PTPRN2: variants seen among roughly 807,000 people sequenced by gnomAD.
The protein encoded by PTPRN2 is receptor-type tyrosine-protein phosphatase N2.
Under a neutral mutation model 118.8 loss-of-function variants are expected in PTPRN2, and 74 were observed. The observed-to-expected ratio is 0.62, with a 90% CI of 0.52 to 0.76. The LOEUF (loss-of-function observed/expected upper bound fraction) is 0.76, where lower values mean the gene tolerates loss of function less well. Ranked by LOEUF, PTPRN2 falls within the 30% of genes least tolerant of loss-of-function variation. The probability of loss-of-function intolerance (pLI) is 0.00; values close to 1 mark genes in which losing one functional copy is unlikely to be tolerated. For synonymous variants in PTPRN2, 641 were observed against 608.0 expected (o/e 1.05, Z -0.80); for missense variants, 1,481 against 1,394.4 (o/e 1.06, Z -0.99).
chr7:157,837,454 G>T (rs958462490), intron 12 of PTPRN2, among the ~76,000 whole-genome samples: 1 of 151,450 alleles, frequency 6.6e-6, no homozygotes, highest in Non-Finnish European at 1.5e-5. Context: ...GTGGTGGAGG[G>T]GGGAGGCTGT....
chr7:158,168,604 C>T (rs1156535257), intron 5 of PTPRN2, among the ~76,000 whole-genome samples: 3 of 152,216 alleles, frequency 2.0e-5, no homozygotes, highest in African/African-American at 7.2e-5. Context: ...ATGTTTGCTG[C>T]CTGCTCTTTT....
At chr7:157,702,813 C>T (rs764457213) in intron 12 of PTPRN2, among the ~76,000 whole-genome samples, 1 of 152,190 alleles carries the variant, frequency 6.6e-6, no homozygotes, top group Non-Finnish European at 1.5e-5. Flanking sequence ...TCCGCGCTGC[C>T]GAATCTGCTC....
intron 3 of PTPRN2, among the ~76,000 whole-genome samples, chr7:158,312,843 GGT>G (rs1225722486): frequency 6.7e-6 from 1 of 150,274 alleles, no homozygotes; most frequent in Non-Finnish European, 1.5e-5. Flanking sequence ...CGTGAGCATG[GGT>G]GTGTGTGCAT....
chr7:158,027,999 T>G (rs1242975187), intron 11 of PTPRN2: 2 of 152,244 alleles, frequency 1.3e-5, no homozygotes, highest in Non-Finnish European at 2.9e-5. Flanking sequence ...CCTTAAAGTT[T>G]GAACTTTACA....
At chr7:158,263,337 C>T (rs1347554148) in intron 3 of PTPRN2, among the ~76,000 whole-genome samples, 1 of 151,984 alleles carries the variant, frequency 6.6e-6, no homozygotes, top group East Asian at 1.9e-4. Context: ...ACCTACTGCA[C>T]ATGTACATGT....
chr7:158,012,385 A>G (rs1012689277), intron 11 of PTPRN2, among the ~76,000 whole-genome samples: 9 of 152,266 alleles, frequency 5.9e-5, no homozygotes, highest in Admixed American at 3.9e-4. Context: ...TTTCAAAGAA[A>G]AAATCCATAG....
intron 12 of PTPRN2, among the ~76,000 whole-genome samples, chr7:157,866,741 C>T (rs1231049310): frequency 1.3e-5 from 2 of 151,960 alleles, no homozygotes; most frequent in African/African-American, 2.4e-5. Flanking sequence ...TGCCTGTGCC[C>T]CGAGATGCAC....
At chr7:157,946,773 A>G (rs888445497) in intron 11 of PTPRN2, among the ~76,000 whole-genome samples, 1 of 152,242 alleles carries the variant, frequency 6.6e-6, no homozygotes, top group Non-Finnish European at 1.5e-5. Context: ...TATTTGGAGG[A>G]TGATCCCAGA....
In PTPRN2 at chr7:158,546,443, G is replaced by A. The variant is rs776838927; in HGVS notation, c.112+41115C>T. ...CCGGAATGGTGCTGGAATCACAGCC[G>A]CCGGGTTAAGGGGCTCATGGCGGAG... On this transcript the variant is annotated intron_variant, in intron 1 of 22. Coordinates refer to ENST00000389418, the MANE Select transcript of PTPRN2 (RefSeq NM_002847.5). The surrounding 1 kb of genome is among the most constrained non-coding windows in gnomAD (Gnocchi z 5.0). Among the ~76,000 whole-genome samples, 39 of 152,210 alleles carry A rather than the reference G, an allele frequency of 2.6e-4. No homozygotes were observed. The highest frequency in any genetic ancestry group is 3.7e-4 in the Non-Finnish European group (25 of 68,036).
intron 3 of PTPRN2, among the ~76,000 whole-genome samples, chr7:158,293,760 A>AG (rs1029394572): frequency 6.6e-6 from 1 of 151,094 alleles, no homozygotes; most frequent in Non-Finnish European, 1.5e-5. Flanking sequence ...TTTTGTTAAA[A>AG]AAAAAAAAAC....
intron 12 of PTPRN2, among the ~76,000 whole-genome samples, chr7:157,730,527 A>G (rs1218821040): frequency 1.3e-5 from 2 of 152,218 alleles, no homozygotes; most frequent in African/African-American, 4.8e-5. Flanking sequence ...GTATGGCACA[A>G]CTGAAAATAA....
At chr7:157,737,673 G>T (rs1477872988) in intron 12 of PTPRN2, among the ~76,000 whole-genome samples, 1 of 152,254 alleles carries the variant, frequency 6.6e-6, no homozygotes, top group Non-Finnish European at 1.5e-5. Context: ...GCTTTCCCCA[G>T]AATGGGGCCT....
At chr7:158,333,900 C>A (rs1419716661) in intron 2 of PTPRN2, among the ~76,000 whole-genome samples, 21 of 133,584 alleles carry the variant, frequency 1.6e-4, no homozygotes, top group South Asian at 2.7e-4. Flanking sequence ...GAGCTGACAC[C>A]CGCAGACGTC....
Position 158,494,132 on chromosome 7 carries a change from G to T in PTPRN2, c.113-4347C>A, listed in dbSNP as rs139744476. Among the ~76,000 whole-genome samples, 590 of 152,354 alleles carry T rather than the reference G, an allele frequency of 3.9e-3. 6 individuals are homozygous for T. Among genetic ancestry groups the T allele is most frequent in the African/African-American group, 0.014 (563 of 41,586 alleles). On this transcript the variant is annotated intron_variant, in intron 1 of 22. Transcript: ENST00000389418. ...AAGAGATGTTTATGGAGAGTTTGTT[G>T]TTCATTGTGGAAATACAGTAAATGT...
At chr7:157,686,003 A>T (rs1443412773) in intron 12 of PTPRN2, among the ~76,000 whole-genome samples, 1 of 151,704 alleles carries the variant, frequency 6.6e-6, no homozygotes, top group Non-Finnish European at 1.5e-5. Context: ...GGAGGCCCGG[A>T]GGGCGACCGC....
chr7:158,122,800 G>C lies in PTPRN2; in HGVS notation c.1556+10877C>G, dbSNP rs375808669. Among the ~76,000 whole-genome samples, 7 of 152,350 alleles carry C rather than the reference G, an allele frequency of 4.6e-5. No homozygotes were observed. In the East Asian group the frequency reaches 1.2e-3, roughly 25 times the overall value. ...ATCATTCAGGCTATGTTCCAACGTAGGTGCCCAGAAAGGTGGGGTGAGCCC... is the reference window on the plus strand; with the variant it reads ...ATCATTCAGGCTATGTTCCAACGTACGTGCCCAGAAAGGTGGGGTGAGCCC... On this transcript the variant is annotated intron_variant, in intron 9 of 22. Transcript: ENST00000389418.
intron 12 of PTPRN2, among the ~76,000 whole-genome samples, chr7:157,758,033 G>C (rs374787139): frequency 8.5e-5 from 13 of 152,384 alleles, no homozygotes; most frequent in South Asian, 6.2e-4. Context: ...GTTTGCGGGA[G>C]GGACAGCCTT....
intron 1 of PTPRN2, among the ~76,000 whole-genome samples, chr7:158,550,855 C>T (rs1341537775): frequency 6.6e-6 from 1 of 152,154 alleles, no homozygotes; most frequent in East Asian, 1.9e-4. Flanking sequence ...TGTCGTGAAG[C>T]TTTTTTAACT....
At position 158,570,171 on chromosome 7, in the gene PTPRN2, A is replaced by G. The variant is rs894962367; in HGVS notation, c.112+17387T>C. Among the ~76,000 whole-genome samples the G allele has an allele frequency of 6.6e-6, 1 of 152,080 alleles. No individual in the cohort carries two copies. Among genetic ancestry groups the G allele is most frequent in the Non-Finnish European group, 1.5e-5 (1 of 67,996 alleles). On this transcript the variant is annotated intron_variant, in intron 1 of 22. Coordinates refer to ENST00000389418, the MANE Select transcript of PTPRN2 (RefSeq NM_002847.5). This position sits in a 1 kb window ranked among gnomAD's most constrained non-coding sequence, Gnocchi z 4.5. Reference sequence around the variant, plus strand: ...CCAACCCCTGCAGGCCGACCTGGGCAGCCAGGCGGGGAGCGCGCAGCCACA... The same window carrying G: ...CCAACCCCTGCAGGCCGACCTGGGCGGCCAGGCGGGGAGCGCGCAGCCACA...
Sources: gnomAD v4.1 joint callset for allele counts (sites outside exome capture counted in the v4.1 genomes callset) on GRCh38, gnomAD v4.1.1 for gene constraint, Gnocchi (gnomAD v3.1) non-coding constraint, MANE v1.5 for transcripts, NCBI Gene and HGNC (gene_info 2026-07-23, HGNC 2026-07-21) for gene names.